The following TNRC6A variants were observed in gnomAD, a reference collection of about 807,000 sequenced individuals.
TNRC6A encodes the protein trinucleotide repeat containing adaptor 6A.
A neutral mutation model predicts 221.2 loss-of-function variants in TNRC6A; 44 were observed. The ratio of observed to expected loss-of-function variants is 0.20; its 90% CI spans 0.16 to 0.26. TNRC6A has a LOEUF of 0.26. TNRC6A is among the 10% of genes least tolerant of loss of function. The pLI, the probability that TNRC6A is intolerant of heterozygous loss-of-function variation, is 1.00. For synonymous variants in TNRC6A, 847 were observed against 838.5 expected (o/e 1.01, Z -0.18); for missense variants, 2,199 against 2,404.4 (o/e 0.91, Z 1.79).
intron 2 of TNRC6A, among the ~76,000 whole-genome samples, chr16:24,667,084 C>G (rs1596632656): frequency 6.6e-6 from 1 of 152,224 alleles, no homozygotes; most frequent in East Asian, 1.9e-4. Flanking sequence ...CCACTGCACT[C>G]CAGCCTGGGT....
chr16:24,638,655 G>A (rs1170180076), intron 1 of TNRC6A, among the ~76,000 whole-genome samples: 5 of 152,018 alleles, frequency 3.3e-5, no homozygotes, highest in African/African-American at 1.2e-4. Context: ...GGAGGTTGCA[G>A]TGAGCTGAGA....
At chr16:24,756,812 A>G (rs1161211845) in intron 3 of TNRC6A, among the ~76,000 whole-genome samples, 3 of 152,086 alleles carry the variant, frequency 2.0e-5, no homozygotes, top group Admixed American at 6.6e-5. Flanking sequence ...TTATGTGGTC[A>G]TTGTTTCTAT....
At chr16:24,698,409 G>A (rs1377027526) in intron 2 of TNRC6A, among the ~76,000 whole-genome samples, 1 of 152,130 alleles carries the variant, frequency 6.6e-6, no homozygotes, top group Non-Finnish European at 1.5e-5. Flanking sequence ...ATAGGCAGTT[G>A]GAGTGAGAGA....
intron 2 of TNRC6A, among the ~76,000 whole-genome samples, chr16:24,678,376 A>G (rs1377134596): frequency 1.3e-5 from 2 of 151,852 alleles, no homozygotes; most frequent in African/African-American, 4.8e-5. Flanking sequence ...ATTAGGTGAT[A>G]AAAAGCTTCT....
intron 2 of TNRC6A, among the ~76,000 whole-genome samples, chr16:24,641,995 G>A (rs905145198): frequency 2.0e-5 from 3 of 152,220 alleles, no homozygotes; most frequent in African/African-American, 4.8e-5. Flanking sequence ...CTGGAAAGAT[G>A]TATATTGATA....
chr16:24,677,258 G>T (rs2055438862), intron 2 of TNRC6A, among the ~76,000 whole-genome samples: 1 of 150,344 alleles, frequency 6.7e-6, no homozygotes, highest in African/African-American at 2.4e-5. Context: ...CACCTCCCGC[G>T]TTCAAGTGAT....
chr16:24,786,838 C>T (rs1012345376), intron 5 of TNRC6A, among the ~76,000 whole-genome samples: 1 of 152,166 alleles, frequency 6.6e-6, no homozygotes, highest in African/African-American at 2.4e-5. Context: ...CCTGCCACCA[C>T]GTCCGGCTCA....
At chr16:24,813,567 A>G (rs1018025683) in intron 18 of TNRC6A, among the ~76,000 whole-genome samples, 1 of 152,222 alleles carries the variant, frequency 6.6e-6, no homozygotes, top group Non-Finnish European at 1.5e-5. Context: ...GATGCATCTC[A>G]GGCACTTAGG....
chr16:24,633,356 A>T (rs1901449655), intron 1 of TNRC6A, among the ~76,000 whole-genome samples: 1 of 151,990 alleles, frequency 6.6e-6, no homozygotes, highest in Non-Finnish European at 1.5e-5. Context: ...AGCATCACTT[A>T]CTTTCAAAAA....
intron 19 of TNRC6A, chr16:24,816,535 A>G (rs2058662573): frequency 7.1e-6 from 2 of 282,780 alleles, no homozygotes; most frequent in African/African-American, 4.4e-5. Flanking sequence ...TGATTTTTTA[A>G]CACACACACA....
intron 4 of TNRC6A, among the ~76,000 whole-genome samples, chr16:24,773,511 C>T (rs184276807): frequency 2.6e-5 from 4 of 152,296 alleles, no homozygotes; most frequent in Admixed American, 2.6e-4. Context: ...TTCTTTGCTG[C>T]TGTATGGCAT....
At chr16:24,717,667 GT>G (rs879648759) in intron 2 of TNRC6A, among the ~76,000 whole-genome samples, 2 of 151,526 alleles carry the variant, frequency 1.3e-5, no homozygotes, top group Admixed American at 1.3e-4. Context: ...CTTGCTGACA[GT>G]CATGATATTA....
chr16:24,664,388 T>C (rs1397986564), intron 2 of TNRC6A, among the ~76,000 whole-genome samples: 2 of 146,606 alleles, frequency 1.4e-5, no homozygotes, highest in African/African-American at 5.0e-5. Context: ...ATTAATTTAA[T>C]AAATTCATAT....
At chr16:24,809,558 T>C in intron 18 of TNRC6A, 77 bp downstream of exon 18, 1 of 1,374,212 alleles carries the variant, frequency 7.3e-7, no homozygotes. Flanking sequence ...GCCTTTATTT[T>C]ATTTTAAATG....
chr16:24,689,104 A>C (rs1317159764), intron 2 of TNRC6A, among the ~76,000 whole-genome samples: 2 of 152,186 alleles, frequency 1.3e-5, no homozygotes, highest in African/African-American at 4.8e-5. Context: ...CACAAACAAA[A>C]AGCCAGGAAC....
chr16:24,726,313 A>G (rs544522025), upstream of TNRC6A, among the ~76,000 whole-genome samples: 1 of 150,508 alleles, frequency 6.6e-6, no homozygotes, highest in South Asian at 2.1e-4. Flanking sequence ...GAGTGGGGAG[A>G]TCTCCAACAT....
chr16:24,667,804 T>A (rs8057291), intron 2 of TNRC6A, among the ~76,000 whole-genome samples: 5 of 152,084 alleles, frequency 3.3e-5, no homozygotes, highest in East Asian at 1.9e-4. Flanking sequence ...TTTGGGAGGC[T>A]GAGGCAGGAG....
At chr16:24,668,008 G>A (rs1048818010) in intron 2 of TNRC6A, among the ~76,000 whole-genome samples, 1 of 151,558 alleles carries the variant, frequency 6.6e-6, no homozygotes, top group African/African-American at 2.4e-5. Flanking sequence ...CATGGCAACA[G>A]AGCAAGACCC....
At chr16:24,658,881 T>A (rs2054971817) in intron 2 of TNRC6A, among the ~76,000 whole-genome samples, 1 of 152,034 alleles carries the variant, frequency 6.6e-6, no homozygotes, top group South Asian at 2.1e-4. Flanking sequence ...AGATCATTGC[T>A]CACTGCAACC....
Sources: allele counts gnomAD v4.1 joint callset (sites outside exome capture counted in the v4.1 genomes callset), GRCh38; gene constraint gnomAD v4.1.1; transcripts MANE v1.5; gene names NCBI Gene and HGNC (gene_info 2026-07-23, HGNC 2026-07-21).